The following COL13A1 variants were observed in gnomAD, a reference collection of about 807,000 sequenced individuals.
The protein encoded by COL13A1 is collagen alpha-1(XIII) chain.
A neutral mutation model predicts 130.9 loss-of-function variants in COL13A1; 89 were observed. That is an observed-to-expected ratio of 0.68 (90% CI 0.57 to 0.81). The LOEUF (loss-of-function observed/expected upper bound fraction) is 0.81, where lower values mean the gene tolerates loss of function less well. COL13A1 is among the 30% of genes least tolerant of loss of function. The pLI is 0.00. For synonymous variants in COL13A1, 402 were observed against 341.6 expected (o/e 1.18, Z -1.95); for missense variants, 879 against 934.6 (o/e 0.94, Z 0.78).
chr10:69,912,288 G>A (rs1429239820), intron 17 of COL13A1, among the ~76,000 whole-genome samples: 1 of 152,130 alleles, frequency 6.6e-6, no homozygotes, highest in Admixed American at 6.6e-5. Flanking sequence ...GCCTTCAATG[G>A]GGCACCCGAC....
intron 6 of COL13A1, among the ~76,000 whole-genome samples, chr10:69,879,777 T>C (rs561538891): frequency 6.6e-6 from 1 of 152,298 alleles, no homozygotes; most frequent in East Asian, 1.9e-4. Flanking sequence ...CAGCCACCCT[T>C]GACAGCACTT....
intron 30 of COL13A1, 144 bp downstream of exon 30, chr10:69,930,696 T>A: frequency 1.1e-6 from 1 of 935,400 alleles, no homozygotes; most frequent in Non-Finnish European, 1.6e-6. Flanking sequence ...GAGGATTCAC[T>A]CAGCTTCCCC....
chr10:69,958,457 G>C (rs1282289651), intron 40 of COL13A1, among the ~76,000 whole-genome samples: 1 of 152,224 alleles, frequency 6.6e-6, no homozygotes, highest in Non-Finnish European at 1.5e-5. Flanking sequence ...AGGCAGCAGA[G>C]AAAGAGAGTG....
At position 69,802,377 on chromosome 10, in the gene COL13A1, T is replaced by C. The variant is rs899432175; in HGVS notation, c.-47T>C. The C allele has an allele frequency of 1.3e-5, 19 of 1,409,330 alleles. No individual in the cohort carries two copies. In the African/African-American group the frequency reaches 2.3e-4, roughly 17 times the overall value. The allele number at this position is 1,409,330 out of a possible 1,614,324, so 87.3% of individuals were successfully genotyped here. A position where few individuals can be genotyped will look rare whatever the true frequency, so the allele number is the denominator to read the frequency against. Reference sequence around the variant, plus strand: ...GAGCCTTTTGGCAGCGGCTGTCGCCTTTATTTATTCTATTTATTTATTTAT... The same window carrying C: ...GAGCCTTTTGGCAGCGGCTGTCGCCCTTATTTATTCTATTTATTTATTTAT... On this transcript the variant is annotated 5_prime_UTR_variant, in exon 1 of 41. Transcript: ENST00000645393.
In COL13A1 at chr10:69,864,267, T is replaced by C. The variant is rs149752136; in HGVS notation, c.365-3531T>C. Among the ~76,000 whole-genome samples the C allele has an allele frequency of 5.3e-4, 81 of 152,296 alleles. 1 individual carries two copies. In the East Asian group the frequency reaches 0.013, roughly 24 times the overall value. ...ACAAAGTGCGGTGTTATAGTTACCA[T>C]GCTTAGCACTGTGTCTATGTCTGCC... On this transcript the variant is annotated intron_variant, in intron 2 of 40. Transcript: ENST00000645393.
intron 2 of COL13A1, among the ~76,000 whole-genome samples, chr10:69,832,852 C>T (rs1400952094): frequency 6.6e-6 from 1 of 152,350 alleles, no homozygotes; most frequent in East Asian, 1.9e-4. Context: ...GCCCCTTCTC[C>T]AGACAGAGTC....
intron 6 of COL13A1, 82 bp from the exon 7 acceptor site, chr10:69,880,421 C>T: frequency 1.2e-6 from 1 of 825,916 alleles, no homozygotes; most frequent in South Asian, 1.4e-5. Flanking sequence ...CAGCTCCTTC[C>T]CTTTGGTTCC....
chr10:69,919,866 G>A, intron 21 of COL13A1, 139 bp downstream of exon 21: 1 of 397,092 alleles, frequency 2.5e-6, no homozygotes, highest in Non-Finnish European at 4.4e-6. Context: ...GGAGTGGCAG[G>A]ACGGCCTGGC....
At chr10:69,941,996 G>C (rs2136097667) in intron 35 of COL13A1, among the ~76,000 whole-genome samples, 1 of 152,332 alleles carries the variant, frequency 6.6e-6, no homozygotes, top group East Asian at 1.9e-4. Context: ...GTTCTAGTTA[G>C]CTGGCTGGAG....
intron 17 of COL13A1, among the ~76,000 whole-genome samples, chr10:69,913,559 G>C (rs2063599229): frequency 6.6e-6 from 1 of 152,198 alleles, no homozygotes; most frequent in South Asian, 2.1e-4. Context: ...TCTGAACAGA[G>C]GTGGGCCACT....
intron 2 of COL13A1, among the ~76,000 whole-genome samples, chr10:69,843,134 C>T (rs918204828): frequency 3.9e-5 from 6 of 152,238 alleles, no homozygotes; most frequent in Middle Eastern, 3.4e-3. Context: ...AGAGGGGGCC[C>T]AGAGAGGTGA....
intron 21 of COL13A1, among the ~76,000 whole-genome samples, chr10:69,920,759 A>G (rs2064554924): frequency 6.6e-6 from 1 of 152,214 alleles, no homozygotes; most frequent in South Asian, 2.1e-4. Flanking sequence ...AAAGCCACCC[A>G]GACTTTGTTA....
chr10:69,884,563 T>A (rs2060441237), intron 7 of COL13A1, among the ~76,000 whole-genome samples: 1 of 152,132 alleles, frequency 6.6e-6, no homozygotes, highest in African/African-American at 2.4e-5. Flanking sequence ...GACATAGGGG[T>A]CTGCTTTCAG....
intron 38 of COL13A1, among the ~76,000 whole-genome samples, chr10:69,948,613 T>C (rs1397048867): frequency 1.3e-5 from 2 of 152,248 alleles, no homozygotes; most frequent in Non-Finnish European, 2.9e-5. Flanking sequence ...CACCTCTTCA[T>C]TGGCATACTA....
At chr10:69,926,941 G>T (rs1589571879) in intron 26 of COL13A1, 146 bp from the exon 27 acceptor site, 2 of 1,016,502 alleles carry the variant, frequency 2.0e-6, no homozygotes, top group East Asian at 5.0e-5. Flanking sequence ...TGAGTCTGGG[G>T]GCCATGGAGC....
At position 69,816,025 on chromosome 10, in the gene COL13A1, GAGCCC is replaced by G. The variant is rs141835922; in HGVS notation, c.295-6341_295-6337del. 5.3e-5 allele frequency among the ~76,000 whole-genome samples: 8 copies of G among 151,866 alleles called. No homozygotes were observed. In the East Asian group the frequency reaches 1.6e-3, roughly 29 times the overall value. ...GCTGGGAAGAGAACACCCAGGCAGA[GAGCCC>G]AGTAAGTGTGAAGGCCCTGAGGTAG... On this transcript the variant is annotated intron_variant, in intron 1 of 40. Coordinates refer to ENST00000645393, the MANE Select transcript of COL13A1 (RefSeq NM_001368882.1).
At chr10:69,924,911 G>C (rs912741056) in intron 24 of COL13A1, 52 bp from the exon 25 acceptor site, 1 of 1,519,742 alleles carries the variant, frequency 6.6e-7, no homozygotes, top group African/African-American at 1.4e-5. Flanking sequence ...GGGACATCAG[G>C]CTCTCTGTAC....
intron 27 of COL13A1, among the ~76,000 whole-genome samples, 184 bp from the exon 28 acceptor site, chr10:69,928,753 G>A (rs868562981): frequency 1.3e-5 from 2 of 152,166 alleles, no homozygotes; most frequent in South Asian, 2.1e-4. Context: ...CACACTTGGT[G>A]CTTATATGTT....
chr10:69,838,561 C>T (rs552662282), intron 2 of COL13A1, among the ~76,000 whole-genome samples: 39 of 152,288 alleles, frequency 2.6e-4, no homozygotes, highest in African/African-American at 8.9e-4. Flanking sequence ...TCTCCTGAAC[C>T]GCAGGCCAGG....
Sources: gnomAD v4.1 joint callset for allele counts (sites outside exome capture counted in the v4.1 genomes callset) on GRCh38, gnomAD v4.1.1 for gene constraint, MANE v1.5 for transcripts, NCBI Gene and HGNC (gene_info 2026-07-23, HGNC 2026-07-21) for gene names.